OSBPL6: variants seen among roughly 807,000 people sequenced by gnomAD.
OSBPL6 encodes oxysterol binding protein like 6.
A neutral mutation model predicts 125.8 loss-of-function variants in OSBPL6; 49 were observed. The ratio of observed to expected loss-of-function variants is 0.39; its 90% CI spans 0.31 to 0.49. The LOEUF is 0.49. Ranked by LOEUF, OSBPL6 falls within the 20% of genes least tolerant of loss-of-function variation. The pLI is 0.88. For synonymous variants in OSBPL6, 394 were observed against 391.8 expected (o/e 1.01, Z -0.07); for missense variants, 986 against 1,135.4 (o/e 0.87, Z 1.89).
chr2:178,224,049 G>A (rs999214892), intron 1 of OSBPL6, among the ~76,000 whole-genome samples: 1 of 152,148 alleles, frequency 6.6e-6, no homozygotes, highest in African/African-American at 2.4e-5. Context: ...CAAGGGGAAC[G>A]CCGCATCTGA....
At chr2:178,272,481 G>A (rs1032221268) in intron 1 of OSBPL6, among the ~76,000 whole-genome samples, 1 of 152,126 alleles carries the variant, frequency 6.6e-6, no homozygotes. Context: ...TTGCAGCAGG[G>A]GAAAGACAGG....
At chr2:178,392,269 T>TA (rs1267710345) in intron 22 of OSBPL6, 143 bp from the exon 23 acceptor site, 1 of 969,218 alleles carries the variant, frequency 1.0e-6, no homozygotes, top group African/African-American at 1.6e-5. Context: ...ACCACCAATT[T>TA]AATTCACTTG....
At chr2:178,366,589 T>G (rs1228854745) in intron 13 of OSBPL6, among the ~76,000 whole-genome samples, 3 of 152,118 alleles carry the variant, frequency 2.0e-5, no homozygotes, top group Non-Finnish European at 2.9e-5. Flanking sequence ...TGGGGGGAAA[T>G]GTGCATCTTA....
chr2:178,348,917 G>A (rs1690979407), intron 11 of OSBPL6, among the ~76,000 whole-genome samples: 1 of 152,132 alleles, frequency 6.6e-6, no homozygotes, highest in Non-Finnish European at 1.5e-5. Flanking sequence ...TTATTTTTGA[G>A]GTGCAAGTAT....
At chr2:178,320,816 GC>G (rs1374381917) in intron 3 of OSBPL6, among the ~76,000 whole-genome samples, 2 of 152,124 alleles carry the variant, frequency 1.3e-5, no homozygotes, top group African/African-American at 4.8e-5. Flanking sequence ...TAAAACTTAG[GC>G]TTTTTAACTG....
chr2:178,388,664 T>G (rs1035804748), intron 20 of OSBPL6, among the ~76,000 whole-genome samples: 1 of 152,186 alleles, frequency 6.6e-6, no homozygotes, highest in Non-Finnish European at 1.5e-5. Flanking sequence ...CCAGGTAGAT[T>G]GAAGGACTAA....
intron 1 of OSBPL6, among the ~76,000 whole-genome samples, chr2:178,265,488 A>G (rs1232470431): frequency 6.6e-6 from 1 of 152,120 alleles, no homozygotes; most frequent in Non-Finnish European, 1.5e-5. Context: ...TGCTGGGATT[A>G]CAGGTGCAGG....
intron 1 of OSBPL6, among the ~76,000 whole-genome samples, chr2:178,207,985 A>G (rs970070997): frequency 6.6e-6 from 1 of 152,130 alleles, no homozygotes; most frequent in African/African-American, 2.4e-5. Context: ...GCAAAGTTTT[A>G]TTAGAAATAA....
At chr2:178,234,325 C>A (rs992939006) in intron 1 of OSBPL6, among the ~76,000 whole-genome samples, 6 of 152,136 alleles carry the variant, frequency 3.9e-5, no homozygotes, top group Non-Finnish European at 5.9e-5. Flanking sequence ...GAGTTGCCAA[C>A]CTTTGCTGGA....
At chr2:178,360,038 T>G (rs921809294) in intron 12 of OSBPL6, among the ~76,000 whole-genome samples, 1 of 152,084 alleles carries the variant, frequency 6.6e-6, no homozygotes, top group Non-Finnish European at 1.5e-5. Flanking sequence ...AATGAGTGGC[T>G]TGTGCCGCTG....
chr2:178,223,521 A>T (rs2090428566), intron 1 of OSBPL6, among the ~76,000 whole-genome samples: 1 of 152,248 alleles, frequency 6.6e-6, no homozygotes, highest in Non-Finnish European at 1.5e-5. Context: ...TGTTTATTAA[A>T]TACGTTTTAC....
At chr2:178,270,057 T>G (rs368688451) in intron 1 of OSBPL6, among the ~76,000 whole-genome samples, 1 of 152,162 alleles carries the variant, frequency 6.6e-6, no homozygotes, top group Non-Finnish European at 1.5e-5. Flanking sequence ...CTCTCTTTGC[T>G]CCCTGAGTAG....
At chr2:178,284,247 C>T (rs1684486859) in intron 1 of OSBPL6, among the ~76,000 whole-genome samples, 2 of 151,930 alleles carry the variant, frequency 1.3e-5, no homozygotes, top group Non-Finnish European at 2.9e-5. Flanking sequence ...CCACTTCATA[C>T]TTACTATTTT....
At chr2:178,226,132 G>A (rs1350729040) in intron 1 of OSBPL6, among the ~76,000 whole-genome samples, 1 of 152,158 alleles carries the variant, frequency 6.6e-6, no homozygotes, top group Non-Finnish European at 1.5e-5. Context: ...CATGGAGGAG[G>A]AAGTGTGGAT....
At chr2:178,298,413 C>A (rs73030652) in intron 2 of OSBPL6, among the ~76,000 whole-genome samples, 3,593 of 152,164 alleles carry the variant, frequency 0.024, 151 homozygotes, top group African/African-American at 0.082. Context: ...GATCATATGG[C>A]AATCTATTTT....
chr2:178,317,486 AT>A (rs1276926879), intron 3 of OSBPL6, among the ~76,000 whole-genome samples: 10 of 131,434 alleles, frequency 7.6e-5, no homozygotes, highest in Non-Finnish European at 1.1e-4. Flanking sequence ...ATATAGAATA[AT>A]TATTCATTCA....
At chr2:178,240,809 A>T (rs1461782972) in intron 1 of OSBPL6, among the ~76,000 whole-genome samples, 1 of 152,182 alleles carries the variant, frequency 6.6e-6, no homozygotes, top group Non-Finnish European at 1.5e-5. Flanking sequence ...ATAAAAGTTA[A>T]TGTTAATAAT....
chr2:178,369,845 C>T (rs1693215701), intron 13 of OSBPL6, among the ~76,000 whole-genome samples: 1 of 152,102 alleles, frequency 6.6e-6, no homozygotes, highest in African/African-American at 2.4e-5. Flanking sequence ...TGAAGAAAAC[C>T]ACTACTTATC....
intron 1 of OSBPL6, among the ~76,000 whole-genome samples, chr2:178,231,358 G>T (rs1426227986): frequency 6.6e-6 from 1 of 152,108 alleles, no homozygotes; most frequent in Non-Finnish European, 1.5e-5. Context: ...AGAGAAGATG[G>T]AGCCGCCATT....
Sources: allele counts gnomAD v4.1 joint callset (sites outside exome capture counted in the v4.1 genomes callset), GRCh38; gene constraint gnomAD v4.1.1; transcripts MANE v1.5; gene names NCBI Gene and HGNC (gene_info 2026-07-23, HGNC 2026-07-21).